KCNIP4: variants seen among roughly 807,000 people sequenced by gnomAD.
KCNIP4 encodes potassium voltage-gated channel interacting protein 4, also known as Kv channel-interacting protein 4.
A neutral mutation model predicts 34.0 loss-of-function variants in KCNIP4; 12 were observed. The ratio of observed to expected loss-of-function variants is 0.35; its 90% confidence interval spans 0.23 to 0.57. The LOEUF (loss-of-function observed/expected upper bound fraction) is 0.57. KCNIP4 is among the 20% of genes least tolerant of loss of function. KCNIP4 has a pLI of 0.83. For synonymous variants in KCNIP4, 124 were observed against 102.2 expected (o/e 1.21, Z -1.29); for missense variants, 238 against 311.7 (o/e 0.76, Z 1.78).
chr4:21,830,150 A>G (rs1013390178), intron 1 of KCNIP4, among the ~76,000 whole-genome samples: 2 of 152,172 alleles, frequency 1.3e-5, no homozygotes, highest in African/African-American at 4.8e-5. Flanking sequence ...AGATGGAAAA[A>G]TATTTTCCAC....
At chr4:21,681,030 AC>A (rs1261560245) in intron 1 of KCNIP4, among the ~76,000 whole-genome samples, 1 of 152,098 alleles carries the variant, frequency 6.6e-6, no homozygotes, top group Admixed American at 6.6e-5. Flanking sequence ...TCTTCTCTCT[AC>A]TTATAAATGT....
intron 1 of KCNIP4, among the ~76,000 whole-genome samples, chr4:21,791,656 T>C (rs1046682728): frequency 1.3e-5 from 2 of 152,138 alleles, no homozygotes; most frequent in Admixed American, 1.3e-4. Context: ...CCTACTTTTA[T>C]GGCTTTGAGT....
intron 1 of KCNIP4, among the ~76,000 whole-genome samples, chr4:21,221,387 C>G (rs1757971052): frequency 6.6e-6 from 1 of 152,144 alleles, no homozygotes; most frequent in Non-Finnish European, 1.5e-5. Context: ...TTAATCGATT[C>G]ACAGTTCAGC....
At chr4:20,841,321 T>C (rs922285318) in intron 3 of KCNIP4, among the ~76,000 whole-genome samples, 1 of 152,244 alleles carries the variant, frequency 6.6e-6, no homozygotes, top group African/African-American at 2.4e-5. Flanking sequence ...GAGAATTTTG[T>C]AGTAAAGAAG....
At chr4:21,389,446 T>C (rs1577284542) in intron 1 of KCNIP4, among the ~76,000 whole-genome samples, 2 of 94,140 alleles carry the variant, frequency 2.1e-5, no homozygotes, top group Non-Finnish European at 4.1e-5. Context: ...ATGATATCCC[T>C]CCCCCCTCCC....
chr4:21,021,468 T>G (rs938537321), intron 1 of KCNIP4, among the ~76,000 whole-genome samples: 2 of 152,236 alleles, frequency 1.3e-5, no homozygotes, highest in African/African-American at 4.8e-5. Flanking sequence ...TTTTGACTCT[T>G]GTAATAACAC....
chr4:21,229,867 T>G (rs1389729032), intron 1 of KCNIP4, among the ~76,000 whole-genome samples: 1 of 152,186 alleles, frequency 6.6e-6, no homozygotes, highest in African/African-American at 2.4e-5. Flanking sequence ...TACAGGCAGC[T>G]GTAATCTACT....
chr4:21,067,147 G>C lies in KCNIP4; in HGVS notation c.62-184438C>G, dbSNP rs139422250. 9.3e-3 allele frequency among the ~76,000 whole-genome samples: 1,419 copies of C among 152,198 alleles called. 8 individuals are homozygous for C. Among genetic ancestry groups the C allele is most frequent in the Non-Finnish European group, 0.013 (897 of 68,016 alleles). On this transcript the variant is annotated intron_variant, in intron 1 of 8. Coordinates refer to ENST00000382152, the MANE Select transcript of KCNIP4 (RefSeq NM_025221.6). The stretch of plus-strand genomic sequence containing the variant: ...CAGATGACATTTCTAGACACGCATT[G>C]GGCCAGAAGATAACCTGCTGCCTTG...
chr4:21,082,007 C>T (rs1438261306), intron 1 of KCNIP4, among the ~76,000 whole-genome samples: 1 of 151,728 alleles, frequency 6.6e-6, no homozygotes, highest in African/African-American at 2.4e-5. Flanking sequence ...AATTAATTCT[C>T]CTTTGAAAAG....
intron 1 of KCNIP4, among the ~76,000 whole-genome samples, chr4:21,887,861 C>T (rs1156302398): frequency 6.6e-6 from 1 of 152,106 alleles, no homozygotes; most frequent in Non-Finnish European, 1.5e-5. Context: ...ATTTGCTGAT[C>T]ATAAAAAGTC....
chr4:20,884,460 A>T (rs1047232566), intron 1 of KCNIP4, among the ~76,000 whole-genome samples: 15 of 151,518 alleles, frequency 9.9e-5, no homozygotes, highest in African/African-American at 3.4e-4. Flanking sequence ...CTTGCAAAAT[A>T]AATCTGGTTT....
At chr4:21,057,307 G>T (rs1041422418) in intron 1 of KCNIP4, among the ~76,000 whole-genome samples, 4 of 152,104 alleles carry the variant, frequency 2.6e-5, no homozygotes, top group African/African-American at 7.2e-5. Flanking sequence ...CAATTCAAAA[G>T]AAACACATAG....
chr4:21,230,611 T>C (rs1330784047), intron 1 of KCNIP4, among the ~76,000 whole-genome samples: 3 of 152,100 alleles, frequency 2.0e-5, no homozygotes, highest in Non-Finnish European at 4.4e-5. Flanking sequence ...TGACAACATA[T>C]GGTGTTTGGT....
At chr4:21,045,616 C>G (rs1326985852) in intron 1 of KCNIP4, among the ~76,000 whole-genome samples, 1 of 152,082 alleles carries the variant, frequency 6.6e-6, no homozygotes, top group Non-Finnish European at 1.5e-5. Flanking sequence ...GAACGTAGAT[C>G]GTGTAGAAAT....
At chr4:20,972,545 G>A (rs918565962) in intron 1 of KCNIP4, among the ~76,000 whole-genome samples, 3 of 152,104 alleles carry the variant, frequency 2.0e-5, no homozygotes, top group African/African-American at 7.2e-5. Flanking sequence ...AGGTCTCAAG[G>A]GTGGGTTTAA....
At chr4:21,840,521 A>G (rs1332789998) in intron 1 of KCNIP4, among the ~76,000 whole-genome samples, 1 of 152,158 alleles carries the variant, frequency 6.6e-6, no homozygotes, top group African/African-American at 2.4e-5. Context: ...GATGGTGCAC[A>G]TCTGTGTTTT....
intron 1 of KCNIP4, among the ~76,000 whole-genome samples, chr4:21,167,537 A>G (rs2109286029): frequency 6.6e-6 from 1 of 152,312 alleles, no homozygotes; most frequent in Admixed American, 6.5e-5. Flanking sequence ...AGCATGGCTA[A>G]CATTTAACTT....
At chr4:21,721,285 C>T (rs1050530792) in intron 1 of KCNIP4, among the ~76,000 whole-genome samples, 2 of 152,134 alleles carry the variant, frequency 1.3e-5, no homozygotes, top group Admixed American at 1.3e-4. Context: ...CTTAACTTGT[C>T]ACCAAAAGAT....
intron 1 of KCNIP4, among the ~76,000 whole-genome samples, chr4:21,880,177 C>T (rs879166853): frequency 1.3e-5 from 2 of 152,066 alleles, no homozygotes; most frequent in Non-Finnish European, 2.9e-5. Flanking sequence ...TTTTGTCATG[C>T]TATTAAGCAT....
Sources: gnomAD v4.1 joint callset for allele counts (sites outside exome capture counted in the v4.1 genomes callset) on GRCh38, gnomAD v4.1.1 for gene constraint, MANE v1.5 for transcripts, NCBI Gene and HGNC (gene_info 2026-07-23, HGNC 2026-07-21) for gene names.